RSPRY1: variants seen among roughly 807,000 people sequenced by gnomAD.
RSPRY1 encodes the protein RING finger and SPRY domain-containing protein 1.
Under a neutral mutation model 73.1 loss-of-function variants are expected in RSPRY1, and 23 were observed. The observed-to-expected ratio is 0.31, with a 90% CI of 0.23 to 0.45. The LOEUF is 0.45. Among genes scored for constraint, RSPRY1 ranks in the 20% least tolerant of loss-of-function variants. The pLI is 1.00. For missense variants in RSPRY1, 448 were observed against 698.7 expected (o/e 0.64, Z 4.05); for synonymous variants, 226 against 251.4 (o/e 0.90, Z 0.95).
intron 4 of RSPRY1, among the ~76,000 whole-genome samples, chr16:57,211,229 T>C (rs1278213846): frequency 6.9e-6 from 1 of 144,450 alleles, no homozygotes; most frequent in Non-Finnish European, 1.5e-5. Flanking sequence ...AGGAGTTTGA[T>C]ACCAGCCTGA....
rs745485067 is a variant in RSPRY1 at position 57,221,305 on chromosome 16, C to T, written c.1051C>T (p.Arg351Cys). ...RCDASSFESVRCTFCVDAGVW... is the reference protein window; with the variant it reads ...RCDASSFESVCCTFCVDAGVW... ...TGATGCCTCCTCTTTTGAAAGTGTG[C>T]GTTGCACCTTTTGTGTGGATGCCGG... The change falls in exon 10 of 15, where the codon CGT becomes TGT. Residue 351 changes from arginine to cysteine, a missense_variant. Coordinates refer to ENST00000394420, the MANE Select transcript of RSPRY1 (RefSeq NM_133368.3). 7 of 1,613,832 alleles carry T rather than the reference C, an allele frequency of 4.3e-6. No homozygotes were observed. Among genetic ancestry groups the T allele is most frequent in the African/African-American group, 2.7e-5 (2 of 74,854 alleles).
rs367615747 is a variant in RSPRY1, at chr16:57,227,350, C to T, written c.1170C>T (p.Tyr390=). The T allele has an allele frequency of 8.4e-5, 136 of 1,612,368 alleles. 1 individual carries two copies. The highest frequency in any genetic ancestry group is 7.6e-4 in the East Asian group (34 of 44,872). Residue 390 remains tyrosine (Y), a synonymous_variant, in exon 11 of 15, where the codon TAC becomes TAT. Transcript: ENST00000394420. ...GCCTTGTCTCTCTCCAGGAAGGCTACGGCATTGGGGATGATGAATACTCCT... is the reference window on the plus strand; with the variant it reads ...GCCTTGTCTCTCTCCAGGAAGGCTATGGCATTGGGGATGATGAATACTCCT... ...RDSKFLNHEG[Y]GIGDDEYSCA...
intron 10 of RSPRY1, among the ~76,000 whole-genome samples, chr16:57,223,242 TAGGATACACCC>T (rs2075067380): frequency 6.6e-6 from 1 of 152,222 alleles, no homozygotes; most frequent in South Asian, 2.1e-4. Context: ...AAGTCATTCC[TAGGATACACCC>T]AGTTTCAAAA....
At chr16:57,222,875 T>C (rs1446791949) in intron 10 of RSPRY1, among the ~76,000 whole-genome samples, 1 of 152,214 alleles carries the variant, frequency 6.6e-6, no homozygotes, top group Non-Finnish European at 1.5e-5. Flanking sequence ...GCACTGAATG[T>C]TACAAATGTG....
chr16:57,238,591 ATAT>A (rs1315363224), intron 14 of RSPRY1, among the ~76,000 whole-genome samples: 1 of 152,210 alleles, frequency 6.6e-6, no homozygotes, highest in African/African-American at 2.4e-5. Context: ...CTGGGGAGAA[ATAT>A]TATATCCCTA....
At chr16:57,201,782 C>T (rs1331136785) in intron 1 of RSPRY1, among the ~76,000 whole-genome samples, 1 of 152,132 alleles carries the variant, frequency 6.6e-6, no homozygotes, top group South Asian at 2.1e-4. Flanking sequence ...CACAGCGAAA[C>T]CCCGTCTCCA....
Position 57,231,233 on chromosome 16 carries a change from A to G in RSPRY1, c.1443A>G (p.Lys481=). The change falls in exon 13 of 15, where the codon AAA becomes AAG. Residue 481 remains lysine, a synonymous_variant. Coordinates refer to ENST00000394420, the MANE Select transcript of RSPRY1 (RefSeq NM_133368.3). Reference sequence around the variant, plus strand: ...AATGTGAGTTCAATTTTGGAGCAAAACCATTCAAATACCCACCATCTATGA... The same window carrying G: ...AATGTGAGTTCAATTTTGGAGCAAAGCCATTCAAATACCCACCATCTATGA... ...YQQCEFNFGA[K]PFKYPPSMKF... is the part of the protein sequence containing the mutation. The G allele has an allele frequency of 6.2e-7, 1 of 1,613,934 alleles. No individual in the cohort carries two copies. Among genetic ancestry groups the G allele is most frequent in the South Asian group, 1.1e-5 (1 of 91,066 alleles).
At chr16:57,208,396 A>AT (rs1432632495) in intron 3 of RSPRY1, among the ~76,000 whole-genome samples, 20 of 38,150 alleles carry the variant, frequency 5.2e-4, no homozygotes, top group South Asian at 4.5e-3. Flanking sequence ...ATATATATAT[A>AT]TATATTTTTT....
At chr16:57,237,743 G>A (rs1202046875) in intron 14 of RSPRY1, among the ~76,000 whole-genome samples, 7 of 150,812 alleles carry the variant, frequency 4.6e-5, no homozygotes, top group South Asian at 4.2e-4. Context: ...ACGGAGTCTC[G>A]CTCTGTCACC....
chr16:57,216,755 G>C (rs1272242751), intron 7 of RSPRY1, 149 bp from the exon 8 acceptor site: 11 of 729,286 alleles, frequency 1.5e-5, no homozygotes, highest in Non-Finnish European at 2.5e-5. Context: ...AAAGCTCTTT[G>C]GCTATGTTTT....
chr16:57,219,062 G>A (rs996996266), intron 8 of RSPRY1, among the ~76,000 whole-genome samples: 3 of 152,096 alleles, frequency 2.0e-5, no homozygotes, highest in African/African-American at 4.8e-5. Context: ...TTTGTCTCTC[G>A]ATGGACACTT....
intron 6 of RSPRY1, among the ~76,000 whole-genome samples, chr16:57,214,317 A>G (rs1228018768): frequency 6.6e-6 from 1 of 152,168 alleles, no homozygotes; most frequent in Non-Finnish European, 1.5e-5. Context: ...GATTCCCAGT[A>G]TATATAAATC....
rs544105177 is a variant in RSPRY1, at chr16:57,209,356, C to A, written c.516+169C>A. On this transcript the variant is annotated intron_variant, in intron 4 of 14. Coordinates refer to ENST00000394420, the MANE Select transcript of RSPRY1 (RefSeq NM_133368.3). ...TATTTTGTATTATGAAGAATTATGT[C>A]CTCTTTTTTTTTCTTTTCCTCTTTG... 1.8e-4 allele frequency among the ~76,000 whole-genome samples: 28 copies of A among 152,044 alleles called. No homozygotes were observed. In the South Asian group the frequency reaches 5.2e-3, roughly 28 times the overall value.
At chr16:57,216,409 T>G (rs2074941115) in intron 7 of RSPRY1, 3 of 478,858 alleles carry the variant, frequency 6.3e-6, no homozygotes, top group Non-Finnish European at 7.3e-6. Context: ...TAGCCAAAAA[T>G]TTAGTGATGT....
intron 1 of RSPRY1, among the ~76,000 whole-genome samples, chr16:57,191,561 G>C (rs555413559): frequency 5.9e-5 from 9 of 152,156 alleles, no homozygotes; most frequent in Non-Finnish European, 1.3e-4. Flanking sequence ...TGCATCATCT[G>C]AATTGTCTCA....
rs1375979866 is a variant in RSPRY1, at chr16:57,207,708, C to T, written c.351-350C>T. On this transcript the variant is annotated intron_variant, in intron 2 of 14. Coordinates refer to ENST00000394420, the MANE Select transcript of RSPRY1 (RefSeq NM_133368.3). Reference sequence around the variant, plus strand: ...GAGGTAAGTATGAAGGTGATGTTGACCTTCCTGGCTTGTCTCAGTTGGCAC... The same window carrying T: ...GAGGTAAGTATGAAGGTGATGTTGATCTTCCTGGCTTGTCTCAGTTGGCAC... 3 of 468,260 alleles carry T rather than the reference C, an allele frequency of 6.4e-6. No individual in the cohort carries two copies. In the Admixed American group the frequency reaches 7.0e-5, roughly 11 times the overall value. 29.0% of individuals were successfully genotyped at this position (468,260 alleles called of 1,614,324 possible). A position where few individuals can be genotyped will look rare whatever the true frequency, so the allele number is the denominator to read the frequency against.
At chr16:57,228,812 C>T (rs566444358) in intron 11 of RSPRY1, among the ~76,000 whole-genome samples, 48 of 152,280 alleles carry the variant, frequency 3.2e-4, no homozygotes, top group African/African-American at 1.2e-3. Context: ...CCCACCTCAG[C>T]CTCTCCAGTA....
intron 1 of RSPRY1, among the ~76,000 whole-genome samples, chr16:57,195,620 C>T (rs879528952): frequency 7.9e-5 from 12 of 151,362 alleles, no homozygotes; most frequent in Admixed American, 6.6e-4. Context: ...ATTATTAAAT[C>T]AGTTGATGTT....
chr16:57,207,559 T>C (rs2074749244), intron 2 of RSPRY1: 1 of 455,744 alleles, frequency 2.2e-6, no homozygotes, highest in Non-Finnish European at 4.4e-6. Context: ...GTAATACCAT[T>C]TTATGAAGTC....
Sources: allele counts gnomAD v4.1 joint callset (sites outside exome capture counted in the v4.1 genomes callset), GRCh38; gene constraint gnomAD v4.1.1; transcripts MANE v1.5; gene names NCBI Gene and HGNC (gene_info 2026-07-23, HGNC 2026-07-21).